Variants in LYPLAL1 observed in about 807,000 individuals in gnomAD.
The protein encoded by LYPLAL1 is lysophospholipase-like protein 1.
In LYPLAL1, 23 loss-of-function variants were observed where a neutral mutation model predicts 19.7. The observed-to-expected ratio is 1.17, with a 90% confidence interval of 0.84 to 1.65. LYPLAL1 has a LOEUF of 1.65. Ranked by LOEUF, LYPLAL1 falls within the 40% of genes most tolerant of loss-of-function variation. LYPLAL1 has a pLI of 0.00. For missense variants in LYPLAL1, 355 were observed against 279.4 expected, an observed-to-expected ratio of 1.27 and a Z score of -1.93; for synonymous variants, 119 against 96.3, an observed-to-expected ratio of 1.24 and a Z score of -1.38.
the LYPLAL1 span, among the ~76,000 whole-genome samples, chr1:219,431,456 G>T: frequency 6.6e-6 from 1 of 152,238 alleles, no homozygotes; most frequent in East Asian, 1.9e-4. Context: ...GTTGAAGCAG[G>T]GTCTGGACAA....
At chr1:219,226,219 A>C in the LYPLAL1 span, among the ~76,000 whole-genome samples, 1 of 152,314 alleles carries the variant, frequency 6.6e-6, no homozygotes, top group Non-Finnish European at 1.5e-5. Flanking sequence ...TTGACATGCA[A>C]TACTGAACAA....
chr1:219,267,080 T>G, the LYPLAL1 span, among the ~76,000 whole-genome samples: 1 of 152,108 alleles, frequency 6.6e-6, no homozygotes, highest in Non-Finnish European at 1.5e-5. Context: ...CAGGAAAACT[T>G]CAGCTTTTGT....
the LYPLAL1 span, among the ~76,000 whole-genome samples, chr1:219,363,183 G>A: frequency 1.3e-5 from 2 of 152,210 alleles, no homozygotes; most frequent in Middle Eastern, 6.8e-3. Flanking sequence ...ATTTAAGTAA[G>A]TTAATCTTCC....
chr1:219,174,595 G>T (rs927833069), intron 1 of LYPLAL1, among the ~76,000 whole-genome samples: 1 of 152,112 alleles, frequency 6.6e-6, no homozygotes, highest in Non-Finnish European at 1.5e-5. Flanking sequence ...GGACCCCCAG[G>T]GACAGGCATC....
the LYPLAL1 span, among the ~76,000 whole-genome samples, chr1:219,231,717 C>A: frequency 6.6e-6 from 1 of 152,194 alleles, no homozygotes; most frequent in Non-Finnish European, 1.5e-5. Context: ...TCCAACCAGA[C>A]TGATGTTTTG....
At chr1:219,350,026 G>A in the LYPLAL1 span, among the ~76,000 whole-genome samples, 2 of 152,188 alleles carry the variant, frequency 1.3e-5, no homozygotes, top group African/African-American at 4.8e-5. Flanking sequence ...TGAGATTAGA[G>A]TGAGGTTCCA....
the LYPLAL1 span, among the ~76,000 whole-genome samples, chr1:219,259,425 A>G: frequency 8.1e-6 from 1 of 124,008 alleles, no homozygotes; most frequent in Admixed American, 7.7e-5. Flanking sequence ...ATATATATAT[A>G]TATATGTATA....
the LYPLAL1 span, among the ~76,000 whole-genome samples, chr1:219,426,299 G>T: frequency 6.6e-6 from 1 of 152,034 alleles, no homozygotes; most frequent in Non-Finnish European, 1.5e-5. Flanking sequence ...TGTCATTAGT[G>T]GTTTTTTTAA....
chr1:219,205,870 C>T (rs2125104743), intron 3 of LYPLAL1, among the ~76,000 whole-genome samples: 1 of 152,320 alleles, frequency 6.6e-6, no homozygotes, highest in Admixed American at 6.5e-5. Flanking sequence ...AGGCTCTGGA[C>T]TGTTGTTCTA....
chr1:219,250,470 T>G, the LYPLAL1 span, among the ~76,000 whole-genome samples: 1 of 151,972 alleles, frequency 6.6e-6, no homozygotes, highest in African/African-American at 2.4e-5. Context: ...ATTTTAACTT[T>G]TATTTTAGGT....
the LYPLAL1 span, among the ~76,000 whole-genome samples, chr1:219,398,275 T>C: frequency 6.6e-6 from 1 of 152,334 alleles, no homozygotes; most frequent in Non-Finnish European, 1.5e-5. Context: ...TCTCTATTCT[T>C]GTCTGACTGT....
the LYPLAL1 span, among the ~76,000 whole-genome samples, chr1:219,397,421 CT>C: frequency 2.6e-5 from 4 of 152,198 alleles, no homozygotes; most frequent in South Asian, 8.3e-4. Flanking sequence ...TGATGCTGAC[CT>C]CATAGGATGA....
the LYPLAL1 span, among the ~76,000 whole-genome samples, chr1:219,251,732 T>C: frequency 6.6e-6 from 1 of 152,144 alleles, no homozygotes; most frequent in East Asian, 1.9e-4. Context: ...GCTTTGTTCT[T>C]TTGGCTTAGG....
chr1:219,217,379 G>GGGGTGTGTGTGT (rs1553304603), downstream of LYPLAL1, among the ~76,000 whole-genome samples: 6 of 134,138 alleles, frequency 4.5e-5, no homozygotes, highest in South Asian at 5.1e-4. Flanking sequence ...TGCCAGGTTT[G>GGGGTGTGTGTGT]GTGTGTGTGT....
the LYPLAL1 span, among the ~76,000 whole-genome samples, chr1:219,387,523 A>T: frequency 6.6e-6 from 1 of 152,220 alleles, no homozygotes; most frequent in Non-Finnish European, 1.5e-5. Flanking sequence ...AGTTCCCCTT[A>T]AGATGAAATC....
At chr1:219,259,429 ATG>A in the LYPLAL1 span, among the ~76,000 whole-genome samples, 2 of 132,524 alleles carry the variant, frequency 1.5e-5, no homozygotes, top group South Asian at 2.4e-4. Flanking sequence ...ATATATATAT[ATG>A]TATATATACC....
the LYPLAL1 span, among the ~76,000 whole-genome samples, chr1:219,294,534 C>A: frequency 6.6e-6 from 1 of 152,326 alleles, no homozygotes; most frequent in South Asian, 2.1e-4. Flanking sequence ...CAGACTGACT[C>A]ATCTAGTCAT....
chr1:219,259,649 G>A, the LYPLAL1 span, among the ~76,000 whole-genome samples: 2 of 151,390 alleles, frequency 1.3e-5, no homozygotes, highest in Non-Finnish European at 2.9e-5. Context: ...GGGAAGGGTT[G>A]GAGAGAAGTG....
At chr1:219,398,743 G>A in the LYPLAL1 span, among the ~76,000 whole-genome samples, 8 of 152,226 alleles carry the variant, frequency 5.3e-5, no homozygotes, top group South Asian at 8.3e-4. Context: ...TATCCTATTC[G>A]ATGACCTCGA....
Sources: gnomAD v4.1 joint callset for allele counts (sites outside exome capture counted in the v4.1 genomes callset) on GRCh38, gnomAD v4.1.1 for gene constraint, MANE v1.5 for transcripts, NCBI Gene and HGNC (gene_info 2026-07-23, HGNC 2026-07-21) for gene names.